NEB: variants seen among roughly 807,000 people sequenced by gnomAD.
NEB encodes the protein nebulin.
In NEB, 512 loss-of-function variants were observed where a neutral mutation model predicts 952.2. That is an observed-to-expected ratio of 0.54 (90% CI 0.50 to 0.58). The LOEUF is 0.58. NEB is among the 20% of genes least tolerant of loss of function. The probability of loss-of-function intolerance (pLI) is 0.00; values close to 1 mark genes in which losing one functional copy is unlikely to be tolerated. For synonymous variants in NEB, 2,900 were observed against 3,149.8 expected, an observed-to-expected ratio of 0.92 and a Z score of 2.66; for missense variants, 8,428 against 9,231.1, an observed-to-expected ratio of 0.91 and a Z score of 3.56.
chr2:151,549,371 C>A (rs2095097823), intron 130 of NEB, among the ~76,000 whole-genome samples: 1 of 152,186 alleles, frequency 6.6e-6, no homozygotes, highest in Admixed American at 6.5e-5. Context: ...GAAGTAGAGG[C>A]ATCATGACAG....
intron 9 of NEB, among the ~76,000 whole-genome samples, chr2:151,719,886 C>CAAA (rs34116466): frequency 0.63 from 64,646 of 103,038 alleles, 20,881 homozygotes; most frequent in Non-Finnish European, 0.73. Context: ...GACCCTGTCT[C>CAAA]AAAAAAAAAA....
chr2:151,517,519 G>C (rs2078508270), intron 156 of NEB, among the ~76,000 whole-genome samples: 1 of 152,194 alleles, frequency 6.6e-6, no homozygotes, highest in African/African-American at 2.4e-5. Flanking sequence ...TTATAGTCAT[G>C]AATTGCTTAA....
chr2:151,718,166 C>T (rs1441328479), intron 9 of NEB, among the ~76,000 whole-genome samples: 4 of 152,096 alleles, frequency 2.6e-5, no homozygotes, highest in Non-Finnish European at 5.9e-5. Flanking sequence ...TTCCTCTGTT[C>T]TTATGCCTAG....
chr2:151,667,764 C>T lies in NEB; in HGVS notation c.4719+40G>A, dbSNP rs747430602. The T allele has an allele frequency of 7.7e-6, 12 of 1,548,698 alleles. No individual in the cohort carries two copies. In the South Asian group the frequency reaches 1.4e-4, roughly 18 times the overall value. ...CAGGCTGGTCTTGAACTCCTGAAGT[C>T]TTTTAGATAGAAAGTTTCCTACTTT... On this transcript the variant is annotated intron_variant, in intron 40 of 181. Transcript: ENST00000397345.
Position 151,727,776 on chromosome 2 carries a change from T to C in NEB, c.209A>G (p.Lys70Arg). 1 of 1,613,730 alleles carries C rather than the reference T, an allele frequency of 6.2e-7. No individual in the cohort carries two copies. The highest frequency in any genetic ancestry group is 8.5e-7 in the Non-Finnish European group (1 of 1,179,774). ...AGGATCCACTTTCTTCCGGATGACC[T>C]TCCTCCTCTCCACCGGCTTTGCTGA... ...PASAKPVERR[K>R]VIRKKVDPSK... The change falls in exon 5 of 182, where the codon AAG (lysine) becomes AGG (arginine). Residue 70 changes from lysine (K) to arginine (R), a missense_variant. By Grantham distance (26) the Lys-to-Arg change is conservative (BLOSUM62 2). Coordinates refer to ENST00000397345, the MANE Select transcript of NEB (RefSeq NM_001164508.2).
At chr2:151,508,628 T>G (rs116645787) in intron 161 of NEB, among the ~76,000 whole-genome samples, 2,592 of 152,296 alleles carry the variant, frequency 0.017, 105 homozygotes, top group East Asian at 0.14. Flanking sequence ...GAGCCGGCAG[T>G]CAGACAGGCA....
chr2:151,634,651 A>G (rs1442720966), intron 64 of NEB, among the ~76,000 whole-genome samples: 1 of 152,084 alleles, frequency 6.6e-6, no homozygotes, highest in Non-Finnish European at 1.5e-5. Flanking sequence ...AAAAAATAAA[A>G]TAAAATAAAA....
intron 10 of NEB, among the ~76,000 whole-genome samples, chr2:151,714,482 G>A (rs1302490477): frequency 6.6e-6 from 1 of 152,084 alleles, no homozygotes; most frequent in Admixed American, 6.5e-5. Flanking sequence ...ACCTCAAGAT[G>A]GTATATAAGC....
At chr2:151,695,313 C>T (rs2099588014) in intron 18 of NEB, among the ~76,000 whole-genome samples, 2 of 152,058 alleles carry the variant, frequency 1.3e-5, no homozygotes, top group African/African-American at 4.8e-5. Flanking sequence ...TGCAATTAAG[C>T]ATACATGAGA....
rs754635266 is a variant in NEB at position 151,666,202 on chromosome 2, G to A, written c.4919C>T (p.Ser1640Phe). 2 of 1,613,806 alleles carry A rather than the reference G, an allele frequency of 1.2e-6. No homozygotes were observed. The highest frequency in any genetic ancestry group is 2.7e-5 in the African/African-American group (2 of 74,908). ...DMVSVTAAKK[S>F]QEVATNANYR... is the part of the protein sequence containing the mutation. Reference sequence around the variant, plus strand: ...GTTGGCGTTGGTGGCAACCTCCTGAGATTTCTTTGCAGCTGTCACACTGAC... The same window carrying A: ...GTTGGCGTTGGTGGCAACCTCCTGAAATTTCTTTGCAGCTGTCACACTGAC... Residue 1640 changes from serine to phenylalanine, a missense_variant, in exon 41 of 182, where the codon TCT becomes TTT. By Grantham distance (155) the Ser-to-Phe change is radical (BLOSUM62 -2). Transcript: ENST00000397345.
chr2:151,627,257 T>C (rs942611916), intron 69 of NEB, 52 bp from the exon 70 acceptor site: 4 of 1,560,338 alleles, frequency 2.6e-6, no homozygotes, highest in African/African-American at 1.4e-5. Flanking sequence ...TTTAACATGA[T>C]TTCAAAAATA....
chr2:151,570,110 C>T lies in NEB; in HGVS notation c.17401G>A (p.Ala5801Thr), dbSNP rs1204919597. The change falls in exon 109 of 182, where the codon GCC becomes ACC. Residue 5801 changes from alanine (A) to threonine (T), a missense_variant. Physicochemically the swap from Ala to Thr is moderately conservative, Grantham distance 58 (BLOSUM62 0). Transcript: ENST00000397345. ...CTCTGCAGTTCGTAGGCCTTCTTGGCCTGAATCACATCGTTCTGGTCGGGC... is the reference window on the plus strand; with the variant it reads ...CTCTGCAGTTCGTAGGCCTTCTTGGTCTGAATCACATCGTTCTGGTCGGGC... ...CMPDQNDVIQ[A>T]KKAYELQSDN... The T allele has an allele frequency of 5.0e-6, 8 of 1,611,616 alleles. No individual in the cohort carries two copies. In the African/African-American group the frequency reaches 1.1e-4, roughly 22 times the overall value.
chr2:151,531,444 G>C lies in NEB; in HGVS notation c.21523-343C>G, dbSNP rs562756150. Among the ~76,000 whole-genome samples, 136 of 150,758 alleles carry C rather than the reference G, an allele frequency of 9.0e-4. 1 individual carries two copies. The highest frequency in any genetic ancestry group is 3.1e-3 in the African/African-American group (129 of 41,008). The stretch of plus-strand genomic sequence containing the variant: ...CAATTGTCACGCCTCAGCCTCCTGA[G>C]TAGCTGGGACCACAGGCATGCACCA... On this transcript the variant is annotated intron_variant, in intron 144 of 181. Transcript: ENST00000397345.
rs1226122144 is a variant in NEB at position 151,519,753 on chromosome 2, T to C, written c.22495A>G (p.Asn7499Asp). Reference sequence around the variant, plus strand: ...GTCTTGCCCTTTTCTTTATCGAAATTTTCTCGGTATTTAACCTAACAGCAA... The same window carrying C: ...GTCTTGCCCTTTTCTTTATCGAAATCTTCTCGGTATTTAACCTAACAGCAA... ...KLSSQVKYRE[N>D]FDKEKGKTPK... The change falls in exon 154 of 182, where the codon AAT becomes GAT. Residue 7499 changes from asparagine (N) to aspartate (D), a missense_variant. By Grantham distance (23) the Asn-to-Asp change is conservative (BLOSUM62 1). Around this residue, in one of 11 missense-constraint regions of NEB, gnomAD observed 3,374 missense variants for 3,651.5 expected, o/e 0.92. Transcript: ENST00000397345. 1.2e-6 allele frequency: 2 copies of C among 1,609,152 alleles called. No homozygotes were observed. Among genetic ancestry groups the C allele is most frequent in the Non-Finnish European group, 1.7e-6 (2 of 1,175,696 alleles).
Position 151,677,645 on chromosome 2 carries a change from G to C in NEB, c.3694C>G (p.Pro1232Ala), listed in dbSNP as rs776796255. The change falls in exon 34 of 182, where the codon CCA becomes GCA. Residue 1232 changes from proline (P) to alanine (A), a missense_variant. Physicochemically the swap from Pro to Ala is conservative, Grantham distance 27. Coordinates refer to ENST00000397345, the MANE Select transcript of NEB (RefSeq NM_001164508.2). ...ATGCTGGTAAATTTGAGGGTGTCTG[G>C]ATGTTGCCTGTACTTCTTTTCATTC... Reference protein sequence around the residue: ...ALNEKKYRQHPDTLKFTSIVD... With the variant: ...ALNEKKYRQHADTLKFTSIVD... The C allele has an allele frequency of 3.1e-6, 5 of 1,613,936 alleles. No individual in the cohort carries two copies. Among genetic ancestry groups the C allele is most frequent in the Non-Finnish European group, 4.2e-6 (5 of 1,179,870 alleles).
In NEB at chr2:151,665,548, T is replaced by A. The variant is rs1274542788; in HGVS notation, c.5032-9A>T. On this transcript the variant is annotated splice_polypyrimidine_tract_variant and intron_variant, in intron 41 of 181. Transcript: ENST00000397345. ...TCAGATTTGTACAGATTCTTTACAATGAGAAAAAAAATTTCATTTCAGAAA... is the reference window on the plus strand; with the variant it reads ...TCAGATTTGTACAGATTCTTTACAAAGAGAAAAAAAATTTCATTTCAGAAA... The A allele has an allele frequency of 3.9e-6, 6 of 1,552,654 alleles. No homozygotes were observed. In the Admixed American group the frequency reaches 6.0e-5, roughly 15 times the overall value.
chr2:151,551,553 T>C (rs1320088172), intron 129 of NEB, among the ~76,000 whole-genome samples, 185 bp downstream of exon 129: 1 of 152,230 alleles, frequency 6.6e-6, no homozygotes, highest in Non-Finnish European at 1.5e-5. Context: ...GTTTGATTGC[T>C]CCATAGGGGG....
At chr2:151,693,210 A>G (rs1217506395) in intron 20 of NEB, among the ~76,000 whole-genome samples, 2 of 152,334 alleles carry the variant, frequency 1.3e-5, no homozygotes, top group Non-Finnish European at 2.9e-5. Flanking sequence ...GCTAGGAATT[A>G]GGAAAGCAAT....
chr2:151,725,626 C>A, intron 5 of NEB, 66 bp from the exon 6 acceptor site: 1 of 1,245,824 alleles, frequency 8.0e-7, no homozygotes. Context: ...CATACTCACC[C>A]CATTTGATAA....
Sources: allele counts gnomAD v4.1 joint callset (sites outside exome capture counted in the v4.1 genomes callset), GRCh38; gene constraint gnomAD v4.1.1; regional missense constraint gnomAD v4.1.1; transcripts MANE v1.5; gene names NCBI Gene and HGNC (gene_info 2026-07-23, HGNC 2026-07-21).